The following PRKN variants were observed in gnomAD, a reference collection of about 807,000 sequenced individuals.
PRKN encodes the protein E3 ubiquitin-protein ligase parkin.
PRKN carries 56 observed loss-of-function variants against 59.5 expected under a neutral mutation model. That is an observed-to-expected ratio of 0.94 (90% CI 0.76 to 1.18). The LOEUF (loss-of-function observed/expected upper bound fraction) is 1.18. Ranked by LOEUF, PRKN falls within the 50% of genes most tolerant of loss-of-function variation. The probability of loss-of-function intolerance (pLI) is 0.00; values close to 1 mark genes in which losing one functional copy is unlikely to be tolerated. For synonymous variants in PRKN, 250 were observed against 222.1 expected, an observed-to-expected ratio of 1.13 and a Z score of -1.12; for missense variants, 657 against 596.4, an observed-to-expected ratio of 1.10 and a Z score of -1.06.
chr6:162,024,150 G>A (rs1330191021), intron 5 of PRKN, among the ~76,000 whole-genome samples: 2 of 145,940 alleles, frequency 1.4e-5, no homozygotes, highest in African/African-American at 5.1e-5. Context: ...CAGTTTGTTT[G>A]TGTCAGGTAC....
At chr6:162,159,351 C>A (rs1782660531) in intron 4 of PRKN, among the ~76,000 whole-genome samples, 1 of 152,104 alleles carries the variant, frequency 6.6e-6, no homozygotes, top group Non-Finnish European at 1.5e-5. Context: ...ACACACTTGG[C>A]AATTTAATTT....
chr6:161,823,517 G>C (rs942731468), intron 6 of PRKN, among the ~76,000 whole-genome samples: 26 of 152,030 alleles, frequency 1.7e-4, no homozygotes, highest in Admixed American at 7.2e-4. Context: ...AGTTACCCTA[G>C]GAGAAGAAGA....
At chr6:161,711,399 G>T (rs920484363) in intron 7 of PRKN, among the ~76,000 whole-genome samples, 8 of 152,152 alleles carry the variant, frequency 5.3e-5, no homozygotes, top group Admixed American at 3.3e-4. Context: ...TGCATTGTAT[G>T]TCTATGACTG....
At chr6:161,859,590 GAC>G (rs1420036654) in intron 6 of PRKN, among the ~76,000 whole-genome samples, 3 of 133,420 alleles carry the variant, frequency 2.2e-5, no homozygotes, top group Non-Finnish European at 3.1e-5. Flanking sequence ...CAGCCTGGGT[GAC>G]AGAGTGAGAC....
At position 161,818,920 on chromosome 6, in the gene PRKN, C is replaced by G. The variant is rs1791903125; in HGVS notation, c.735-33012G>C. 2.0e-5 allele frequency among the ~76,000 whole-genome samples: 3 copies of G among 152,034 alleles called. No homozygotes were observed. In the South Asian group the frequency reaches 6.2e-4, roughly 32 times the overall value. ...ATGGGAGCCAGACGGAGTCAGTGGA[C>G]AGGTGAAGAGGGCCTTATCCATCTA... On this transcript the variant is annotated intron_variant, in intron 6 of 11. Transcript: ENST00000366898.
chr6:162,011,674 C>G (rs1002948347), intron 5 of PRKN, among the ~76,000 whole-genome samples: 1 of 149,426 alleles, frequency 6.7e-6, no homozygotes, highest in African/African-American at 2.5e-5. Flanking sequence ...GGTGTTTGTT[C>G]CATAGTGCAT....
At chr6:161,974,946 G>A (rs1780967630) in intron 5 of PRKN, among the ~76,000 whole-genome samples, 3 of 152,136 alleles carry the variant, frequency 2.0e-5, no homozygotes, top group Admixed American at 2.0e-4. Context: ...GTGTGGCTGT[G>A]TCCTAACAAA....
chr6:162,233,611 C>T (rs60497046), intron 3 of PRKN, among the ~76,000 whole-genome samples: 25,105 of 152,090 alleles, frequency 0.17, 2,879 homozygotes, highest in East Asian at 0.59. Context: ...AAAAATTTTC[C>T]ACTTTTGGGG....
chr6:162,679,074 C>CTTTA (rs71008105), intron 1 of PRKN, among the ~76,000 whole-genome samples: 30,698 of 137,890 alleles, frequency 0.22, 3,721 homozygotes, highest in African/African-American at 0.24. Context: ...TGTGCCTGGC[C>CTTTA]TTTATTTATT....
chr6:162,430,261 G>A (rs528398013), intron 2 of PRKN, among the ~76,000 whole-genome samples: 16 of 152,214 alleles, frequency 1.1e-4, no homozygotes, highest in African/African-American at 3.4e-4. Context: ...AAGTATTTCT[G>A]TTTGGTGACT....
rs1315339365 is a variant in PRKN, at chr6:162,237,357, C to T, written c.412+25168G>A. 2.6e-5 allele frequency among the ~76,000 whole-genome samples: 4 copies of T among 152,162 alleles called. No homozygotes were observed. In the East Asian group the frequency reaches 5.8e-4, roughly 22 times the overall value. ...AATAAAAACAACAACAAAACAGCAC[C>T]ACCACCACCACTTAACCACAAAGTG... On this transcript the variant is annotated intron_variant, in intron 3 of 11. Transcript: ENST00000366898.
At chr6:162,449,775 T>C (rs1027019109) in intron 1 of PRKN, among the ~76,000 whole-genome samples, 20 of 152,130 alleles carry the variant, frequency 1.3e-4, no homozygotes, top group Admixed American at 4.6e-4. Flanking sequence ...TAATGAATTA[T>C]TAAATGCTAT....
At chr6:161,934,473 A>T (rs1433733219) in intron 6 of PRKN, among the ~76,000 whole-genome samples, 1 of 152,202 alleles carries the variant, frequency 6.6e-6, no homozygotes. Flanking sequence ...TGGTTTACTG[A>T]TTAGGCCTTG....
chr6:162,651,399 A>G (rs1263737336), intron 1 of PRKN, among the ~76,000 whole-genome samples: 1 of 152,194 alleles, frequency 6.6e-6, no homozygotes, highest in Non-Finnish European at 1.5e-5. Context: ...CTCCATCACT[A>G]TAACTAATCT....
chr6:161,854,302 T>C (rs1241794141), intron 6 of PRKN, among the ~76,000 whole-genome samples: 2 of 150,238 alleles, frequency 1.3e-5, no homozygotes, highest in Non-Finnish European at 3.0e-5. Flanking sequence ...AAAAATTAAA[T>C]GAAAATTAAG....
intron 2 of PRKN, among the ~76,000 whole-genome samples, chr6:162,335,641 T>G (rs1217399640): frequency 2.0e-5 from 3 of 152,346 alleles, no homozygotes; most frequent in South Asian, 4.1e-4. Context: ...TTAAAAGAAG[T>G]TGACTTTTTG....
chr6:162,068,637 T>C (rs1312575546), intron 4 of PRKN, among the ~76,000 whole-genome samples: 2 of 152,236 alleles, frequency 1.3e-5, no homozygotes, highest in Non-Finnish European at 2.9e-5. Context: ...TTCCTCACCT[T>C]GGCAGTTCAC....
intron 4 of PRKN, among the ~76,000 whole-genome samples, chr6:162,093,898 C>T (rs1779616780): frequency 6.6e-6 from 1 of 152,140 alleles, no homozygotes; most frequent in East Asian, 1.9e-4. Context: ...AATAGATGTT[C>T]ACTGAATAAA....
chr6:161,663,707 C>T (rs1206461762), intron 7 of PRKN, among the ~76,000 whole-genome samples: 1 of 152,142 alleles, frequency 6.6e-6, no homozygotes, highest in African/African-American at 2.4e-5. Flanking sequence ...CAAAGGATTT[C>T]ACTTTATGTA....
Sources: allele counts gnomAD v4.1 joint callset (sites outside exome capture counted in the v4.1 genomes callset), GRCh38; gene constraint gnomAD v4.1.1; transcripts MANE v1.5; gene names NCBI Gene and HGNC (gene_info 2026-07-23, HGNC 2026-07-21).